Variants in LRP1B observed in about 807,000 individuals in gnomAD.
The protein encoded by LRP1B is low-density lipoprotein receptor-related protein 1B.
LRP1B carries 217 observed loss-of-function variants against 556.6 expected under a neutral mutation model. The observed-to-expected ratio is 0.39, with a 90% CI of 0.35 to 0.44. LRP1B has a LOEUF of 0.44. Among genes scored for constraint, LRP1B ranks in the 20% least tolerant of loss-of-function variants. The pLI, the probability that LRP1B is intolerant of heterozygous loss-of-function variation, is 1.00. For synonymous variants in LRP1B, 2,047 were observed against 1,865.8 expected (o/e 1.10, Z -2.50); for missense variants, 5,053 against 5,620.8 (o/e 0.90, Z 3.23).
At chr2:141,420,393 C>T (rs540890932) in intron 3 of LRP1B, among the ~76,000 whole-genome samples, 21 of 152,264 alleles carry the variant, frequency 1.4e-4, no homozygotes, top group Admixed American at 1.2e-3. Context: ...CACCGTCAGC[C>T]CAGCTAGAGA....
intron 7 of LRP1B, among the ~76,000 whole-genome samples, chr2:141,090,918 A>G (rs1700156167): frequency 1.3e-5 from 2 of 152,214 alleles, no homozygotes; most frequent in Non-Finnish European, 2.9e-5. Flanking sequence ...CAAAGATGAA[A>G]TGTAGGAAGA....
chr2:141,109,883 A>T (rs1700704985), intron 7 of LRP1B, among the ~76,000 whole-genome samples: 1 of 152,180 alleles, frequency 6.6e-6, no homozygotes, highest in Non-Finnish European at 1.5e-5. Context: ...AGCTGATTGC[A>T]TATTGCTCAA....
rs2105036488 is a variant in LRP1B, at chr2:140,314,990, G to A, written c.12750C>T (p.Val4250=). ...TCTGGCAGTAGTTGCTACAGTGGTT[G>A]ACTTCACATCTTTCTCCTGAATAAC... is the stretch of plus-strand genomic sequence containing the variant. ...WPSYSGERCE[V]NHCSNYCQNG... is the part of the protein sequence containing the mutation. Residue 4250 remains valine, a synonymous_variant, in exon 83 of 91, where the codon GTC becomes GTT. Transcript: ENST00000389484. 6.2e-7 allele frequency: 1 copy of A among 1,611,266 alleles called. No homozygotes were observed. The highest frequency in any genetic ancestry group is 8.5e-7 in the Non-Finnish European group (1 of 1,178,458).
At chr2:142,030,676 T>G (rs1204153198) in intron 1 of LRP1B, among the ~76,000 whole-genome samples, 1 of 151,820 alleles carries the variant, frequency 6.6e-6, no homozygotes, top group African/African-American at 2.4e-5. Context: ...GTGTTGGGGA[T>G]GGAATGGGGT....
intron 41 of LRP1B, among the ~76,000 whole-genome samples, chr2:140,672,795 G>A (rs1352571555): frequency 6.6e-6 from 1 of 152,094 alleles, no homozygotes; most frequent in East Asian, 1.9e-4. Flanking sequence ...AAAACGTTGT[G>A]TCTTCTTGTA....
At chr2:140,969,871 A>C (rs1178431211) in intron 18 of LRP1B, among the ~76,000 whole-genome samples, 1 of 152,160 alleles carries the variant, frequency 6.6e-6, no homozygotes, top group Non-Finnish European at 1.5e-5. Context: ...TGGCTTGTAG[A>C]GTTTCTGCCG....
intron 41 of LRP1B, among the ~76,000 whole-genome samples, chr2:140,680,798 A>T (rs1685834290): frequency 6.6e-6 from 1 of 152,184 alleles, no homozygotes; most frequent in Non-Finnish European, 1.5e-5. Flanking sequence ...TCACAAAATG[A>T]GTAAGACGAA....
At chr2:140,880,257 C>A (rs555547599) in intron 25 of LRP1B, among the ~76,000 whole-genome samples, 8 of 152,088 alleles carry the variant, frequency 5.3e-5, no homozygotes, top group Non-Finnish European at 7.4e-5. Flanking sequence ...AAAATAAAGG[C>A]AATGAAAGTT....
At chr2:141,406,267 GT>G (rs1690630218) in intron 3 of LRP1B, among the ~76,000 whole-genome samples, 1 of 152,034 alleles carries the variant, frequency 6.6e-6, no homozygotes, top group East Asian at 1.9e-4. Flanking sequence ...TTGGCAGTAT[GT>G]GAATATACAA....
intron 2 of LRP1B, among the ~76,000 whole-genome samples, chr2:141,616,052 G>A (rs1397980998): frequency 6.6e-6 from 1 of 152,138 alleles, no homozygotes; most frequent in Non-Finnish European, 1.5e-5. Context: ...GGGAGGCCGA[G>A]ATGGGCGGAC....
At chr2:140,991,733 A>G (rs1414028121) in intron 16 of LRP1B, among the ~76,000 whole-genome samples, 1 of 152,158 alleles carries the variant, frequency 6.6e-6, no homozygotes, top group Admixed American at 6.6e-5. Flanking sequence ...TTGAGAGTCA[A>G]AAAAAGATTT....
intron 43 of LRP1B, among the ~76,000 whole-genome samples, chr2:140,581,680 C>T (rs144709965): frequency 5.1e-4 from 78 of 152,132 alleles, no homozygotes; most frequent in African/African-American, 1.8e-3. Flanking sequence ...GAAACTGAAA[C>T]TATCAAATTA....
At chr2:140,764,294 C>A (rs73961483) in intron 35 of LRP1B, among the ~76,000 whole-genome samples, 2 of 152,036 alleles carry the variant, frequency 1.3e-5, no homozygotes, top group Non-Finnish European at 2.9e-5. Flanking sequence ...TTTGCAGAAG[C>A]GCAATGTAGT....
intron 7 of LRP1B, among the ~76,000 whole-genome samples, chr2:141,161,080 C>T (rs531609746): frequency 7.8e-4 from 119 of 152,056 alleles, no homozygotes; most frequent in African/African-American, 2.6e-3. Flanking sequence ...TCCAAATAAA[C>T]GGATTAAGTA....
At chr2:141,149,325 C>A (rs571467740) in intron 7 of LRP1B, among the ~76,000 whole-genome samples, 1 of 151,942 alleles carries the variant, frequency 6.6e-6, no homozygotes, top group African/African-American at 2.4e-5. Context: ...CCTATGAGAT[C>A]TAAATTTCTC....
chr2:141,625,173 T>C (rs1168800503), intron 2 of LRP1B, among the ~76,000 whole-genome samples: 3 of 152,198 alleles, frequency 2.0e-5, no homozygotes, highest in African/African-American at 7.2e-5. Context: ...TTTGTGGATC[T>C]TTTCTTCGCA....
chr2:141,870,929 T>G (rs1005508393), intron 1 of LRP1B, among the ~76,000 whole-genome samples: 1 of 151,978 alleles, frequency 6.6e-6, no homozygotes, highest in Non-Finnish European at 1.5e-5. Flanking sequence ...TTCAAGGTTG[T>G]GAGTGCACTA....
intron 3 of LRP1B, among the ~76,000 whole-genome samples, chr2:141,327,719 G>A (rs909448132): frequency 6.6e-6 from 1 of 152,118 alleles, no homozygotes; most frequent in Non-Finnish European, 1.5e-5. Flanking sequence ...AGTATAGTCT[G>A]CCTTTTCCTC....
rs951684291 is a variant in LRP1B, at chr2:140,231,861, A to C, written c.*1325T>G. 2 of 151,822 alleles carry C rather than the reference A, an allele frequency of 1.3e-5. No individual in the cohort carries two copies. Among genetic ancestry groups the C allele is most frequent in the Non-Finnish European group, 3.0e-5 (2 of 67,590 alleles). 9.4% of individuals were successfully genotyped at this position (151,822 alleles called of 1,614,324 possible). A position where few individuals can be genotyped will look rare whatever the true frequency, so the allele number is the denominator to read the frequency against. ...AACAAAAAGCCCTCCAAAACTTGTG[A>C]ATAAATCTTTTGTGCCTTTAAAGAT... On this transcript the variant is annotated 3_prime_UTR_variant, in exon 91 of 91. Coordinates refer to ENST00000389484, the MANE Select transcript of LRP1B (RefSeq NM_018557.3).
Sources: gnomAD v4.1 joint callset for allele counts (sites outside exome capture counted in the v4.1 genomes callset) on GRCh38, gnomAD v4.1.1 for gene constraint, MANE v1.5 for transcripts, NCBI Gene and HGNC (gene_info 2026-07-23, HGNC 2026-07-21) for gene names.